The following XPNPEP1 variants were observed in gnomAD, a reference collection of about 807,000 sequenced individuals.
The protein encoded by XPNPEP1 is X-prolyl aminopeptidase 1.
XPNPEP1 carries 39 observed loss-of-function variants against 92.4 expected under a neutral mutation model. The observed-to-expected ratio is 0.42, with a 90% CI of 0.33 to 0.55. XPNPEP1 has a LOEUF of 0.55. Ranked by LOEUF, XPNPEP1 falls within the 20% of genes least tolerant of loss-of-function variation. The pLI, the probability that XPNPEP1 is intolerant of heterozygous loss-of-function variation, is 0.08. For missense variants in XPNPEP1, 654 were observed against 856.1 expected (o/e 0.76, Z 2.95); for synonymous variants, 307 against 299.4 (o/e 1.03, Z -0.26).
At chr10:109,901,287 C>T (rs1849276754) in intron 3 of XPNPEP1, among the ~76,000 whole-genome samples, 1 of 150,396 alleles carries the variant, frequency 6.6e-6, no homozygotes, top group African/African-American at 2.4e-5. Flanking sequence ...GGAGGGATAG[C>T]ATTAGGAGAT....
chr10:109,870,122 C>T, intron 18 of XPNPEP1, 93 bp from the exon 19 acceptor site: 1 of 1,387,298 alleles, frequency 7.2e-7, no homozygotes, highest in Non-Finnish European at 1.0e-6. Flanking sequence ...TGCCCTACTC[C>T]AAAGGAGAAG....
chr10:109,899,418 C>T (rs1161410416), intron 3 of XPNPEP1, among the ~76,000 whole-genome samples: 1 of 152,186 alleles, frequency 6.6e-6, no homozygotes, highest in African/African-American at 2.4e-5. Flanking sequence ...ATCCCTGAAT[C>T]ACTTTCCCTC....
In XPNPEP1 at chr10:109,865,265, C is replaced by A; in HGVS notation, c.1920G>T (p.Gly640=). ...NYHLTCRDVI[G]KELQKQGRQE... ...GGCGGCCCTGTTTCTGCAATTCCTT[C>A]CCAATCACATCCCTGCAGGTCAGGT... Residue 640 remains glycine (G), a synonymous_variant, in exon 21 of 21, where the codon GGG becomes GGT. Coordinates refer to ENST00000502935, the MANE Select transcript of XPNPEP1 (RefSeq NM_020383.4). The A allele has an allele frequency of 1.9e-6, 3 of 1,614,176 alleles. No individual in the cohort carries two copies. The highest frequency in any genetic ancestry group is 2.5e-6 in the Non-Finnish European group (3 of 1,180,042).
Position 109,870,019 on chromosome 10 carries a change from G to C in XPNPEP1, c.1707C>G (p.Tyr569Ter). The change falls in exon 19 of 21, where the codon TAC (tyrosine) becomes TAG (stop). Residue 569 changes from tyrosine (Y) to a stop codon, truncating the protein, a stop_gained. Transcript: ENST00000502935. LOFTEE classifies it high-confidence loss of function. Reference protein sequence around the residue: ...AGMIVTDEPGYYEDGAFGIRI... With the variant: ...AGMIVTDEPG ...GAATTCCAAAAGCCCCATCTTCATA[G>C]TACCCGGGCTCTAAAACAAACCAAA... 1 of 1,614,088 alleles carries C rather than the reference G, an allele frequency of 6.2e-7. No individual in the cohort carries two copies. The highest frequency in any genetic ancestry group is 8.5e-7 in the Non-Finnish European group (1 of 1,179,990).
chr10:109,920,176 C>T (rs920828380), intron 1 of XPNPEP1, among the ~76,000 whole-genome samples: 2 of 152,076 alleles, frequency 1.3e-5, no homozygotes, highest in Non-Finnish European at 2.9e-5. Flanking sequence ...ATAGGCAAAT[C>T]GGTAAAGACA....
intron 3 of XPNPEP1, among the ~76,000 whole-genome samples, chr10:109,901,741 T>C (rs1241640933): frequency 6.6e-6 from 1 of 152,276 alleles, no homozygotes; most frequent in Non-Finnish European, 1.5e-5. Flanking sequence ...CTTCTAAGTA[T>C]GTTTAGAACA....
At chr10:109,912,053 C>G (rs1186434606) in intron 2 of XPNPEP1, among the ~76,000 whole-genome samples, 1 of 152,196 alleles carries the variant, frequency 6.6e-6, no homozygotes, top group African/African-American at 2.4e-5. Context: ...TCATCACAAC[C>G]TGCCTCCTCA....
chr10:109,906,151 G>C (rs1849547282), intron 3 of XPNPEP1, among the ~76,000 whole-genome samples: 1 of 152,066 alleles, frequency 6.6e-6, no homozygotes, highest in South Asian at 2.1e-4. Context: ...TGGTGGACTG[G>C]TGGACCCCCA....
At position 109,882,457 on chromosome 10, in the gene XPNPEP1, T is replaced by C. The variant is rs1181814370; in HGVS notation, c.1016A>G (p.Tyr339Cys). The change falls in exon 10 of 21, where the codon TAT becomes TGT. Residue 339 changes from tyrosine to cysteine, a missense_variant. Tyr to Cys is a radical substitution (Grantham distance 194). Transcript: ENST00000502935. The part of the protein sequence containing the change: ...EKVWVSDKAS[Y>C]AVSETIPKDH... ...CTTGGGGATGGTCTCGCTCACAGCA[T>C]AGCTGGCCTTGTCACTGACCCACAC... 1.2e-6 allele frequency: 2 copies of C among 1,614,140 alleles called. No individual in the cohort carries two copies. Among genetic ancestry groups the C allele is most frequent in the Admixed American group, 1.7e-5 (1 of 60,030 alleles).
intron 8 of XPNPEP1, among the ~76,000 whole-genome samples, chr10:109,885,555 G>A (rs3824623): frequency 0.21 from 31,650 of 152,058 alleles, 3,808 homozygotes; most frequent in South Asian, 0.52. Context: ...ATGTTTTGTG[G>A]ATGGAAGATG....
At chr10:109,873,054 G>A (rs1259064671) in intron 16 of XPNPEP1, among the ~76,000 whole-genome samples, 1 of 152,194 alleles carries the variant, frequency 6.6e-6, no homozygotes, top group Admixed American at 6.5e-5. Flanking sequence ...TGCTTATAAA[G>A]CATGTATTTC....
At chr10:109,899,255 C>T (rs1849149371) in intron 3 of XPNPEP1, among the ~76,000 whole-genome samples, 1 of 152,202 alleles carries the variant, frequency 6.6e-6, no homozygotes, top group South Asian at 2.1e-4. Context: ...TGCCTCATTA[C>T]ATTGAGGTGA....
At position 109,870,778 on chromosome 10, in the gene XPNPEP1, T is replaced by C. The variant is rs1389414704; in HGVS notation, c.1649A>G (p.Lys550Arg). 6.2e-7 allele frequency: 1 copy of C among 1,614,144 alleles called. No homozygotes were observed. The highest frequency in any genetic ancestry group is 1.1e-5 in the South Asian group (1 of 91,078). ...CTCCAAGGGCTCATCAGAGAATGTT[T>C]TGTAACTGATGCCGCAAGGACCCTC... ...VHEGPCGISY[K>R]TFSDEPLEAG... Residue 550 changes from lysine to arginine, a missense_variant, in exon 18 of 21, where the codon AAA becomes AGA. Physicochemically the swap from Lys to Arg is conservative, Grantham distance 26 (BLOSUM62 2). Coordinates refer to ENST00000502935, the MANE Select transcript of XPNPEP1 (RefSeq NM_020383.4).
At chr10:109,912,464 G>A (rs1437082837) in intron 2 of XPNPEP1, among the ~76,000 whole-genome samples, 1 of 152,204 alleles carries the variant, frequency 6.6e-6, no homozygotes, top group Non-Finnish European at 1.5e-5. Flanking sequence ...TGAGGCAGCT[G>A]TACCCACAAG....
At chr10:109,884,315 G>A (rs1361318670) in intron 8 of XPNPEP1, 167 bp from the exon 9 acceptor site, 5 of 617,488 alleles carry the variant, frequency 8.1e-6, no homozygotes, top group East Asian at 2.9e-5. Context: ...CCACCTCTGA[G>A]CTGCAATTGC....
rs780712204 is a variant in XPNPEP1 at position 109,915,108 on chromosome 10, G to A, written c.33-9C>T. On this transcript the variant is annotated splice_polypyrimidine_tract_variant and intron_variant, in intron 1 of 20. Coordinates refer to ENST00000502935, the MANE Select transcript of XPNPEP1 (RefSeq NM_020383.4). ...AATCCTGGTGATTCACCCTTAAGGA[G>A]AGAAAGAACAGGAAGTTGCAGACTT... is the stretch of plus-strand genomic sequence containing the variant. The A allele has an allele frequency of 6.7e-7, 1 of 1,496,994 alleles. No individual in the cohort carries two copies. The highest frequency in any genetic ancestry group is 1.4e-5 in the African/African-American group (1 of 72,228). 92.7% of individuals were successfully genotyped at this position (1,496,994 alleles called of 1,614,324 possible).
At chr10:109,917,279 T>C (rs1850246391) in intron 1 of XPNPEP1, among the ~76,000 whole-genome samples, 1 of 152,194 alleles carries the variant, frequency 6.6e-6, no homozygotes, top group South Asian at 2.1e-4. Context: ...ACTGAGTTCA[T>C]CAAGAATGCA....
At chr10:109,917,565 T>C (rs983342348) in intron 1 of XPNPEP1, among the ~76,000 whole-genome samples, 2 of 152,198 alleles carry the variant, frequency 1.3e-5, no homozygotes, top group East Asian at 1.9e-4. Context: ...AATTGATCTA[T>C]GGACTCAATG....
chr10:109,909,783 T>C (rs1849761229), intron 2 of XPNPEP1, among the ~76,000 whole-genome samples: 1 of 152,220 alleles, frequency 6.6e-6, no homozygotes, highest in Non-Finnish European at 1.5e-5. Flanking sequence ...CCAACTCATT[T>C]TTAATAGACT....
Sources: allele counts gnomAD v4.1 joint callset (sites outside exome capture counted in the v4.1 genomes callset), GRCh38; gene constraint gnomAD v4.1.1; transcripts MANE v1.5; gene names NCBI Gene and HGNC (gene_info 2026-07-23, HGNC 2026-07-21).